ELAVL4: variants seen among roughly 807,000 people sequenced by gnomAD.
ELAVL4 encodes the protein ELAV-like protein 4.
In ELAVL4, 1 loss-of-function variant was observed where a neutral mutation model predicts 35.6. The observed-to-expected ratio is 0.03, with a 90% CI of 0.01 to 0.13. The LOEUF (loss-of-function observed/expected upper bound fraction) is 0.13. Ranked by LOEUF, ELAVL4 falls within the 10% of genes least tolerant of loss-of-function variation. The probability of loss-of-function intolerance (pLI) is 1.00; values close to 1 mark genes in which losing one functional copy is unlikely to be tolerated. For synonymous variants in ELAVL4, 156 were observed against 171.0 expected (o/e 0.91, Z 0.69); for missense variants, 267 against 464.9 (o/e 0.57, Z 3.91).
At chr1:50,073,412 C>G (rs1488708527) in intron 1 of ELAVL4, among the ~76,000 whole-genome samples, 1 of 151,622 alleles carries the variant, frequency 6.6e-6, no homozygotes, top group African/African-American at 2.4e-5. Flanking sequence ...ATCTCTAATA[C>G]AGGCAAAAAT....
intron 1 of ELAVL4, among the ~76,000 whole-genome samples, chr1:50,139,334 A>T (rs1672431454): frequency 6.6e-6 from 1 of 152,228 alleles, no homozygotes; most frequent in African/African-American, 2.4e-5. Context: ...AGTTCAGGTC[A>T]TGAATTTTAA....
chr1:50,093,306 T>C (rs1665573054), intron 1 of ELAVL4, among the ~76,000 whole-genome samples: 1 of 152,220 alleles, frequency 6.6e-6, no homozygotes, highest in African/African-American at 2.4e-5. Flanking sequence ...TCTTTTATTA[T>C]TGTTTGTTTG....
chr1:50,179,810 T>C (rs1207385904), intron 3 of ELAVL4: 1 of 152,214 alleles, frequency 6.6e-6, no homozygotes, highest in Non-Finnish European at 1.5e-5. Context: ...AAATCAATAG[T>C]TAATTCCAAA....
chr1:50,081,118 T>C (rs1664987467), intron 1 of ELAVL4, among the ~76,000 whole-genome samples: 1 of 152,160 alleles, frequency 6.6e-6, no homozygotes, highest in East Asian at 1.9e-4. Context: ...GGTGCCAAAA[T>C]AGCCCAAAGA....
chr1:50,113,162 G>A (rs1667359637), intron 1 of ELAVL4, among the ~76,000 whole-genome samples: 1 of 151,814 alleles, frequency 6.6e-6, no homozygotes, highest in African/African-American at 2.4e-5. Flanking sequence ...GATGAATTGA[G>A]ATGTTTTTCT....
At chr1:50,051,741 C>G (rs1663396647) in intron 1 of ELAVL4, among the ~76,000 whole-genome samples, 1 of 152,042 alleles carries the variant, frequency 6.6e-6, no homozygotes, top group Non-Finnish European at 1.5e-5. Flanking sequence ...TCTATTTCAT[C>G]TTTTGATAGA....
intron 1 of ELAVL4, among the ~76,000 whole-genome samples, chr1:50,095,056 G>A (rs1665664241): frequency 6.6e-6 from 1 of 152,182 alleles, no homozygotes; most frequent in South Asian, 2.1e-4. Flanking sequence ...CTCAGCAATG[G>A]AGACATTCCA....
At chr1:50,065,600 G>A (rs1264787682) in intron 1 of ELAVL4, among the ~76,000 whole-genome samples, 1 of 152,180 alleles carries the variant, frequency 6.6e-6, no homozygotes, top group South Asian at 2.1e-4. Flanking sequence ...CACATAGTAT[G>A]TCTCGGGGTG....
intron 1 of ELAVL4, among the ~76,000 whole-genome samples, chr1:50,065,763 A>T (rs574017991): frequency 6.6e-5 from 10 of 152,312 alleles, no homozygotes; most frequent in Non-Finnish European, 1.3e-4. Flanking sequence ...CTTATGTTTT[A>T]GTCAGCTCTT....
At chr1:50,052,459 G>T (rs1663435964) in intron 1 of ELAVL4, among the ~76,000 whole-genome samples, 1 of 152,194 alleles carries the variant, frequency 6.6e-6, no homozygotes, top group South Asian at 2.1e-4. Flanking sequence ...AGACAGCTGT[G>T]CAGTAGCTTC....
intron 1 of ELAVL4, among the ~76,000 whole-genome samples, chr1:50,120,615 G>T (rs1251096568): frequency 2.6e-5 from 4 of 151,938 alleles, no homozygotes; most frequent in South Asian, 4.2e-4. Flanking sequence ...AGAAGTTGAA[G>T]TCACCCTAAA....
intron 6 of ELAVL4, among the ~76,000 whole-genome samples, chr1:50,199,578 C>T (rs932705557): frequency 1.3e-5 from 2 of 151,996 alleles, no homozygotes; most frequent in Non-Finnish European, 1.5e-5. Context: ...CATGGTGGTG[C>T]GTGCCTGTAG....
At chr1:50,109,826 A>T (rs1666754457) in intron 1 of ELAVL4, 1 of 1,354,924 alleles carries the variant, frequency 7.4e-7, no homozygotes, top group Non-Finnish European at 1.0e-6. Flanking sequence ...TGGCGTGTTG[A>T]GTTGTTGCTT....
intron 3 of ELAVL4, chr1:50,180,266 A>T (rs1009074863): frequency 6.6e-6 from 1 of 152,178 alleles, no homozygotes; most frequent in Non-Finnish European, 1.5e-5. Flanking sequence ...AAAATGCTCC[A>T]AAATTTGAAA....
chr1:50,087,245 C>A (rs1665287612), intron 1 of ELAVL4, among the ~76,000 whole-genome samples: 7 of 152,044 alleles, frequency 4.6e-5, no homozygotes, highest in African/African-American at 1.7e-4. Flanking sequence ...AATTTATTTT[C>A]TTTTTTAAAC....
intron 1 of ELAVL4, among the ~76,000 whole-genome samples, chr1:50,123,510 C>T (rs1669374014): frequency 6.6e-6 from 1 of 152,022 alleles, no homozygotes; most frequent in Admixed American, 6.6e-5. Context: ...TTTTCACTCT[C>T]CCAGTGCTGT....
chr1:50,149,687 G>A (rs1372434110), intron 2 of ELAVL4, among the ~76,000 whole-genome samples: 2 of 151,628 alleles, frequency 1.3e-5, no homozygotes, highest in Non-Finnish European at 2.9e-5. Context: ...GGGACTACAG[G>A]CACCCGCCAC....
intron 1 of ELAVL4, among the ~76,000 whole-genome samples, chr1:50,119,078 A>AAGAAAG (rs1668566827): frequency 7.3e-6 from 1 of 137,006 alleles, no homozygotes; most frequent in African/African-American, 2.8e-5. Flanking sequence ...GAAAGAAAGA[A>AAGAAAG]AGAAAGAAAG....
chr1:50,067,280 G>A (rs1450919626), intron 1 of ELAVL4, among the ~76,000 whole-genome samples: 2 of 152,168 alleles, frequency 1.3e-5, no homozygotes, highest in East Asian at 3.8e-4. Context: ...AATCAAATAT[G>A]TTCGTATTCT....
Sources: allele counts gnomAD v4.1 joint callset (sites outside exome capture counted in the v4.1 genomes callset), GRCh38; gene constraint gnomAD v4.1.1; transcripts MANE v1.5; gene names NCBI Gene and HGNC (gene_info 2026-07-23, HGNC 2026-07-21).